The following ADAMTSL1 variants were observed in gnomAD, a reference collection of about 807,000 sequenced individuals.
The protein encoded by ADAMTSL1 is ADAMTS-like protein 1.
In ADAMTSL1, 126 loss-of-function variants were observed where a neutral mutation model predicts 201.8. The observed-to-expected ratio is 0.62, with a 90% CI of 0.54 to 0.72. The LOEUF (loss-of-function observed/expected upper bound fraction) is 0.72. Ranked by LOEUF, ADAMTSL1 falls within the 30% of genes least tolerant of loss-of-function variation. The pLI is 0.00. For synonymous variants in ADAMTSL1, 1,121 were observed against 903.4 expected, an observed-to-expected ratio of 1.24 and a Z score of -4.32; for missense variants, 2,679 against 2,277.8, an observed-to-expected ratio of 1.18 and a Z score of -3.59.
chr9:18,635,891 T>C (rs1827079903), intron 5 of ADAMTSL1, 52 bp from the exon 6 acceptor site: 9 of 1,504,844 alleles, frequency 6.0e-6, no homozygotes, highest in Non-Finnish European at 8.2e-6. Context: ...AGGCAATCAA[T>C]AATTTTGTGT....
intron 22 of ADAMTSL1, 137 bp from the exon 23 acceptor site, chr9:18,829,706 T>A: frequency 8.3e-7 from 1 of 1,210,792 alleles, no homozygotes; most frequent in Non-Finnish European, 1.1e-6. Flanking sequence ...GGAAAAATAA[T>A]GTTAAAAGGC....
At chr9:18,660,277 A>C (rs1828995547) in intron 8 of ADAMTSL1, among the ~76,000 whole-genome samples, 1 of 152,212 alleles carries the variant, frequency 6.6e-6, no homozygotes, top group African/African-American at 2.4e-5. Context: ...TACCAGCTTG[A>C]AAATTACTGA....
At chr9:18,850,796 AT>A (rs1387413809) in intron 23 of ADAMTSL1, among the ~76,000 whole-genome samples, 1 of 152,166 alleles carries the variant, frequency 6.6e-6, no homozygotes, top group Non-Finnish European at 1.5e-5. Context: ...TCCTCTCTGT[AT>A]TTGCTAATTA....
chr9:17,946,668 A>G (rs1194477218), intron 1 of ADAMTSL1, among the ~76,000 whole-genome samples: 1 of 152,142 alleles, frequency 6.6e-6, no homozygotes, highest in Non-Finnish European at 1.5e-5. Flanking sequence ...CTATTATTCC[A>G]AAGTGAAGTT....
At chr9:17,938,753 A>C (rs889199730) in intron 1 of ADAMTSL1, among the ~76,000 whole-genome samples, 2 of 152,080 alleles carry the variant, frequency 1.3e-5, no homozygotes, top group East Asian at 3.9e-4. Flanking sequence ...TCTTTGAGGA[A>C]CTCTGGGATT....
chr9:18,342,570 T>C (rs558881471), intron 2 of ADAMTSL1, among the ~76,000 whole-genome samples: 68 of 152,256 alleles, frequency 4.5e-4, no homozygotes, highest in Non-Finnish European at 7.8e-4. Flanking sequence ...TATGTATATG[T>C]TTTAAGTGTT....
chr9:18,357,246 A>C (rs1836291598), intron 2 of ADAMTSL1, among the ~76,000 whole-genome samples: 1 of 152,182 alleles, frequency 6.6e-6, no homozygotes, highest in Non-Finnish European at 1.5e-5. Flanking sequence ...ACCCCAAGCA[A>C]AGTATTTTTT....
At chr9:18,396,187 C>T (rs1817746413) in intron 2 of ADAMTSL1, among the ~76,000 whole-genome samples, 1 of 152,136 alleles carries the variant, frequency 6.6e-6, no homozygotes, top group East Asian at 1.9e-4. Context: ...GGTGCTCCTG[C>T]CTTTGCACAG....
intron 2 of ADAMTSL1, among the ~76,000 whole-genome samples, chr9:18,332,395 A>G (rs1835066047): frequency 2.0e-5 from 3 of 152,184 alleles, no homozygotes; most frequent in Non-Finnish European, 4.4e-5. Flanking sequence ...GCCCCATTTT[A>G]TCACATAGTT....
At chr9:18,272,346 A>T (rs1587441517) in intron 2 of ADAMTSL1, among the ~76,000 whole-genome samples, 1 of 152,368 alleles carries the variant, frequency 6.6e-6, no homozygotes, top group East Asian at 1.9e-4. Flanking sequence ...GACAAAAACA[A>T]GAAATGGGGA....
At chr9:17,929,918 A>G (rs1826709551) in intron 1 of ADAMTSL1, among the ~76,000 whole-genome samples, 1 of 152,068 alleles carries the variant, frequency 6.6e-6, no homozygotes, top group Non-Finnish European at 1.5e-5. Context: ...GGATGGACTC[A>G]CTCTGCACTC....
At chr9:18,846,732 T>C (rs907316192) in intron 23 of ADAMTSL1, among the ~76,000 whole-genome samples, 1 of 152,184 alleles carries the variant, frequency 6.6e-6, no homozygotes, top group East Asian at 1.9e-4. Context: ...CATAGATTAC[T>C]GTGGCATAAA....
At chr9:18,020,035 C>G (rs1380634467) in intron 1 of ADAMTSL1, among the ~76,000 whole-genome samples, 1 of 152,028 alleles carries the variant, frequency 6.6e-6, no homozygotes, top group Non-Finnish European at 1.5e-5. Flanking sequence ...TTCTTCAACA[C>G]TATTATTTTT....
chr9:18,413,016 T>C (rs1369926505), intron 2 of ADAMTSL1, among the ~76,000 whole-genome samples: 2 of 152,220 alleles, frequency 1.3e-5, no homozygotes, highest in African/African-American at 4.8e-5. Flanking sequence ...TGTTACCAAG[T>C]TTTTAGTAGG....
chr9:18,676,645 A>C (rs1284593434), intron 10 of ADAMTSL1, among the ~76,000 whole-genome samples: 1 of 152,086 alleles, frequency 6.6e-6, no homozygotes, highest in African/African-American at 2.4e-5. Flanking sequence ...AGCTCCACAG[A>C]GAGCAGAAAT....
chr9:18,214,920 G>A (rs1039148796), intron 2 of ADAMTSL1, among the ~76,000 whole-genome samples: 14 of 151,972 alleles, frequency 9.2e-5, no homozygotes, highest in South Asian at 2.1e-4. Flanking sequence ...TCTGCCCACC[G>A]TAGATCAGGC....
intron 1 of ADAMTSL1, among the ~76,000 whole-genome samples, chr9:18,017,544 C>G (rs1425776313): frequency 6.6e-6 from 1 of 151,940 alleles, no homozygotes; most frequent in African/African-American, 2.4e-5. Context: ...TGGCACCTCT[C>G]TTCTCTTAAA....
At chr9:18,541,691 T>G (rs1221253064) in intron 3 of ADAMTSL1, among the ~76,000 whole-genome samples, 1 of 152,220 alleles carries the variant, frequency 6.6e-6, no homozygotes, top group Non-Finnish European at 1.5e-5. Context: ...TCAAACGCGT[T>G]TATTAACCTC....
intron 23 of ADAMTSL1, among the ~76,000 whole-genome samples, chr9:18,883,856 T>C (rs533894425): frequency 7.9e-5 from 12 of 152,368 alleles, no homozygotes; most frequent in Middle Eastern, 3.4e-3. Context: ...TTGGGTATTA[T>C]GAATAATGCT....
Sources: allele counts gnomAD v4.1 joint callset (sites outside exome capture counted in the v4.1 genomes callset), GRCh38; gene constraint gnomAD v4.1.1; transcripts MANE v1.5; gene names NCBI Gene and HGNC (gene_info 2026-07-23, HGNC 2026-07-21).